The following NT5DC4 variants were observed in gnomAD, a reference collection of about 807,000 sequenced individuals.
The protein encoded by NT5DC4 is 5'-nucleotidase domain-containing protein 4.
In NT5DC4, 44 loss-of-function variants were observed where a neutral mutation model predicts 26.6. The ratio of observed to expected loss-of-function variants is 1.65; its 90% confidence interval spans 1.30 to 2.13. The LOEUF (loss-of-function observed/expected upper bound fraction) is 2.13. NT5DC4 is among the 30% of genes most tolerant of loss of function. The pLI is 0.00. For missense variants in NT5DC4, 399 were observed against 228.1 expected, an observed-to-expected ratio of 1.75 and a Z score of -4.83; for synonymous variants, 157 against 86.7, an observed-to-expected ratio of 1.81 and a Z score of -4.51.
chr2:112,725,139 T>C (rs1041519816), intron 11 of NT5DC4, 35 bp from the exon 12 acceptor site: 1 of 704,850 alleles, frequency 1.4e-6, no homozygotes, highest in African/African-American at 1.8e-5. Context: ...AAGATGTGGT[T>C]CTCCTGGCTC....
At chr2:112,719,505 AG>A (rs1676627421), upstream of NT5DC4, among the ~76,000 whole-genome samples, 1 of 29,900 alleles carries the variant, frequency 3.3e-5, no homozygotes. Flanking sequence ...TTTTTTTTTG[AG>A]ACGGAGTCTT....
chr2:112,734,011 C>T (rs1295751912), intron 16 of NT5DC4, among the ~76,000 whole-genome samples: 3 of 152,054 alleles, frequency 2.0e-5, no homozygotes, highest in Non-Finnish European at 4.4e-5. Flanking sequence ...GAACCTGGAG[C>T]CAGACAGCCC....
intron 16 of NT5DC4, among the ~76,000 whole-genome samples, chr2:112,733,970 A>T (rs1678765519): frequency 6.6e-6 from 1 of 152,102 alleles, no homozygotes; most frequent in South Asian, 2.1e-4. Context: ...TCATTTCCTT[A>T]CTTTAAATAG....
chr2:112,725,461 C>T lies in NT5DC4; in HGVS notation c.1062C>T (p.Asp354=). 1.4e-6 allele frequency: 1 copy of T among 717,162 alleles called. No homozygotes were observed. The highest frequency in any genetic ancestry group is 2.6e-6 in the Non-Finnish European group (1 of 384,972). 44.4% of individuals were successfully genotyped at this position (717,162 alleles called of 1,614,324 possible). The change falls in exon 13 of 17, where the codon GAC becomes GAT. Residue 354 remains aspartate, a synonymous_variant. Transcript: ENST00000688554. ...ACATTGGGGACCACATTTTTGGGGA[C>T]ATTCTCAAGTCCAAGAAGCGTCAGG... is the stretch of plus-strand genomic sequence containing the variant. The part of the protein sequence containing the change: ...ILYIGDHIFG[D]ILKSKKRQGW...
intron 2 of NT5DC4, 44 bp downstream of exon 2, chr2:112,721,935 A>T (rs945234777): frequency 1.4e-6 from 1 of 717,300 alleles, no homozygotes; most frequent in Non-Finnish European, 2.6e-6. Flanking sequence ...TGGAGGGAGC[A>T]GGGGTGGGCA....
chr2:112,719,635 G>A (rs535739894), upstream of NT5DC4, among the ~76,000 whole-genome samples: 68 of 151,852 alleles, frequency 4.5e-4, no homozygotes, highest in African/African-American at 1.2e-3. Context: ...ACAGGCATGC[G>A]CAACCATGCC....
At chr2:112,720,870 C>T (rs1402568325), upstream of NT5DC4, among the ~76,000 whole-genome samples, 4 of 152,178 alleles carry the variant, frequency 2.6e-5, no homozygotes, top group African/African-American at 4.8e-5. Context: ...ATCCTTGCTG[C>T]TTTTGCTCTA....
At chr2:112,729,540 G>A in intron 15 of NT5DC4, 87 bp from the exon 16 acceptor site, 1 of 700,422 alleles carries the variant, frequency 1.4e-6, no homozygotes, top group Non-Finnish European at 2.7e-6. Flanking sequence ...GCAGCTGTGG[G>A]CAGGGGAGCC....
rs59851361 is a variant in NT5DC4, at chr2:112,734,169, A to ATGTGTGTGTGTGTGTG, written c.1344+4483_1344+4498dup. ...AAGTGTTTTCTATGCTATTATATAT[A>ATGTGTGTGTGTGTGTG]TGTGTGTGTGTGTGTGTGTGTGTGT... On this transcript the variant is annotated intron_variant, in intron 16 of 16. Coordinates refer to ENST00000688554, the MANE Select transcript of NT5DC4 (RefSeq NM_001393655.1). 1.7e-3 allele frequency among the ~76,000 whole-genome samples: 234 copies of ATGTGTGTGTGTGTGTG among 134,866 alleles called. 2 individuals are homozygous for ATGTGTGTGTGTGTGTG. The highest frequency in any genetic ancestry group is 5.6e-3 in the African/African-American group (198 of 35,340). 88.5% of individuals were successfully genotyped at this position (134,866 alleles called of 152,430 possible).
At chr2:112,726,368 G>A (rs775234442) in intron 14 of NT5DC4, 79 bp downstream of exon 14, 6 of 711,778 alleles carry the variant, frequency 8.4e-6, no homozygotes, top group East Asian at 2.7e-5. Flanking sequence ...CCTGCCTGGC[G>A]GCGAGGTCCC....
At chr2:112,741,113 T>C (rs901695439), downstream of NT5DC4, 1 of 760,272 alleles carries the variant, frequency 1.3e-6, no homozygotes, top group Non-Finnish European at 2.2e-6. Context: ...CCCAGTGATC[T>C]TCATGGGCTC....
At chr2:112,727,966 C>G (rs1190947245) in intron 15 of NT5DC4, among the ~76,000 whole-genome samples, 1 of 152,242 alleles carries the variant, frequency 6.6e-6, no homozygotes, top group East Asian at 1.9e-4. Flanking sequence ...TCTCGGGCGG[C>G]CCCGGAGTTG....
At position 112,725,183 on chromosome 2, in the gene NT5DC4, A is replaced by C. The variant is rs1262256479; in HGVS notation, c.925A>C (p.Lys309Gln). Residue 309 changes from lysine (K) to glutamine (Q), a missense_variant, in exon 12 of 17, where the codon AAG becomes CAG. Transcript: ENST00000688554. Reference protein sequence around the residue: ...TVMAGAEDSGKLHVGTYTGPH... With the variant: ...TVMAGAEDSGQLHVGTYTGPH... ...CCCTCTGCCCCTCCAGGACTCAGGA[A>C]AGCTCCACGTGGGCACCTACACAGG... 1.4e-6 allele frequency: 1 copy of C among 715,996 alleles called. No homozygotes were observed. The allele number at this position is 715,996 out of a possible 1,614,324, so 44.4% of individuals were successfully genotyped here. A position where few individuals can be genotyped will look rare whatever the true frequency, so the allele number is the denominator to read the frequency against.
At chr2:112,735,168 T>C (rs557495316) in intron 16 of NT5DC4, among the ~76,000 whole-genome samples, 21 of 150,634 alleles carry the variant, frequency 1.4e-4, no homozygotes, top group African/African-American at 4.9e-4. Context: ...CTCAGCCTCC[T>C]GAGTAGCTGG....
At chr2:112,719,684 C>T (rs1676638161), upstream of NT5DC4, among the ~76,000 whole-genome samples, 2 of 151,832 alleles carry the variant, frequency 1.3e-5, no homozygotes, top group Admixed American at 6.6e-5. Flanking sequence ...TGGGGTTTCA[C>T]CGTGCTGGCC....
rs1237835830 is a variant in NT5DC4, at chr2:112,726,386, G to GT, written c.1205+99dup. The GT allele has an allele frequency of 1.4e-5, 10 of 704,200 alleles. No homozygotes were observed. In the East Asian group the frequency reaches 2.7e-4, roughly 19 times the overall value. The allele number at this position is 704,200 out of a possible 1,614,324, so 43.6% of individuals were successfully genotyped here. A position where few individuals can be genotyped will look rare whatever the true frequency, so the allele number is the denominator to read the frequency against. ...GCCTGGCGGCGAGGTCCCGGCCAAG[G>GT]TTGTCAGAACATCAAGATCTGTTTC... On this transcript the variant is annotated intron_variant, in intron 14 of 16. Coordinates refer to ENST00000688554, the MANE Select transcript of NT5DC4 (RefSeq NM_001393655.1).
At chr2:112,720,159 G>A (rs1676760099), upstream of NT5DC4, among the ~76,000 whole-genome samples, 1 of 150,454 alleles carries the variant, frequency 6.6e-6, no homozygotes, top group Non-Finnish European at 1.5e-5. Flanking sequence ...TCCTGCCTCA[G>A]CCTCCCGAGA....
At chr2:112,724,942 AG>A in intron 11 of NT5DC4, 36 bp downstream of exon 11, 1 of 713,830 alleles carries the variant, frequency 1.4e-6, no homozygotes, top group South Asian at 1.5e-5. Context: ...ACGGTTGGGG[AG>A]GGCAGCCTGC....
At chr2:112,737,419 T>A (rs957376016) in intron 16 of NT5DC4, 1 of 152,244 alleles carries the variant, frequency 6.6e-6, no homozygotes, top group Admixed American at 6.5e-5. Flanking sequence ...GCCATTCTTA[T>A]AGATGTGAGG....
Sources: gnomAD v4.1 joint callset for allele counts (sites outside exome capture counted in the v4.1 genomes callset) on GRCh38, gnomAD v4.1.1 for gene constraint, MANE v1.5 for transcripts, NCBI Gene and HGNC (gene_info 2026-07-23, HGNC 2026-07-21) for gene names.